RALGPS2: variants seen among roughly 807,000 people sequenced by gnomAD.
RALGPS2 encodes ras-specific guanine nucleotide-releasing factor RalGPS2.
A neutral mutation model predicts 86.8 loss-of-function variants in RALGPS2; 43 were observed. The observed-to-expected ratio is 0.50, with a 90% CI of 0.39 to 0.64. The LOEUF is 0.64. RALGPS2 is among the 30% of genes least tolerant of loss of function. RALGPS2 has a pLI of 0.00. For synonymous variants in RALGPS2, 243 were observed against 231.3 expected (o/e 1.05, Z -0.46); for missense variants, 536 against 694.6 (o/e 0.77, Z 2.57).
At chr1:178,792,157 G>A (rs1653985490) in intron 4 of RALGPS2, among the ~76,000 whole-genome samples, 1 of 152,124 alleles carries the variant, frequency 6.6e-6, no homozygotes, top group African/African-American at 2.4e-5. Flanking sequence ...TTTGTGTAAT[G>A]ATAGAGAAGA....
At chr1:178,855,890 G>A (rs116552031) in intron 8 of RALGPS2, among the ~76,000 whole-genome samples, 3,683 of 149,788 alleles carry the variant, frequency 0.025, 148 homozygotes, top group African/African-American at 0.085. Flanking sequence ...ATGATGATAG[G>A]GTTTTTCTTT....
chr1:178,753,076 A>G (rs1057238710), intron 1 of RALGPS2, among the ~76,000 whole-genome samples: 3 of 152,168 alleles, frequency 2.0e-5, no homozygotes, highest in African/African-American at 7.2e-5. Context: ...TCTGTACTGT[A>G]CTTGAACTAC....
intron 8 of RALGPS2, chr1:178,851,145 AT>A (rs1314661862): frequency 2.5e-6 from 4 of 1,613,298 alleles, no homozygotes; most frequent in Non-Finnish European, 3.4e-6. Flanking sequence ...AATAGGCTTG[AT>A]CATCATCTGA....
At chr1:178,728,508 T>G (rs534736474) in intron 1 of RALGPS2, among the ~76,000 whole-genome samples, 2 of 152,182 alleles carry the variant, frequency 1.3e-5, no homozygotes, top group Admixed American at 6.5e-5. Context: ...ATCCATTTTT[T>G]GAATATGAGA....
At chr1:178,863,206 A>G (rs1658152920) in intron 8 of RALGPS2, among the ~76,000 whole-genome samples, 1 of 152,192 alleles carries the variant, frequency 6.6e-6, no homozygotes, top group Non-Finnish European at 1.5e-5. Flanking sequence ...ACAAGAGACC[A>G]AAAAGGGGAC....
At chr1:178,802,105 A>T (rs1366517012) in intron 4 of RALGPS2, among the ~76,000 whole-genome samples, 1 of 152,068 alleles carries the variant, frequency 6.6e-6, no homozygotes, top group Non-Finnish European at 1.5e-5. Flanking sequence ...TTTGCAGGTA[A>T]AACTCAACTA....
At chr1:178,833,390 G>C in intron 7 of RALGPS2, 34 bp from the exon 8 acceptor site, 1 of 1,463,134 alleles carries the variant, frequency 6.8e-7, no homozygotes, top group Non-Finnish European at 9.0e-7. Context: ...AATGAGATTT[G>C]TAAATAACTT....
intron 8 of RALGPS2, 142 bp downstream of exon 8, chr1:178,833,692 T>C: frequency 7.5e-7 from 1 of 1,332,160 alleles, no homozygotes; most frequent in Middle Eastern, 2.7e-4. Context: ...AAAAAATGAC[T>C]AAAGATAGTT....
At chr1:178,835,113 C>G (rs1337224361) in intron 8 of RALGPS2, among the ~76,000 whole-genome samples, 1 of 152,074 alleles carries the variant, frequency 6.6e-6, no homozygotes, top group Non-Finnish European at 1.5e-5. Context: ...TTGGCTGTGC[C>G]CATACTTGCA....
chr1:178,734,356 C>T (rs927497514), intron 1 of RALGPS2, among the ~76,000 whole-genome samples: 1 of 152,144 alleles, frequency 6.6e-6, no homozygotes, highest in African/African-American at 2.4e-5. Context: ...TCTCCTAGAA[C>T]AGCAGATAGA....
chr1:178,889,939 A>G (rs1223358080), intron 14 of RALGPS2, among the ~76,000 whole-genome samples: 1 of 151,932 alleles, frequency 6.6e-6, no homozygotes, highest in Non-Finnish European at 1.5e-5. Flanking sequence ...ATACATTTAC[A>G]TTTATAACTT....
At chr1:178,872,631 A>G (rs979669584) in intron 8 of RALGPS2, among the ~76,000 whole-genome samples, 4 of 152,204 alleles carry the variant, frequency 2.6e-5, no homozygotes, top group African/African-American at 9.6e-5. Context: ...TCTGATTTGT[A>G]TTATGTATCG....
chr1:178,819,669 A>G (rs900000720), intron 6 of RALGPS2, among the ~76,000 whole-genome samples: 3 of 152,184 alleles, frequency 2.0e-5, no homozygotes, highest in Non-Finnish European at 2.9e-5. Context: ...CTAGCTTTAC[A>G]GTGAATTTTC....
intron 8 of RALGPS2, among the ~76,000 whole-genome samples, chr1:178,862,752 A>G (rs771044672): frequency 9.9e-5 from 15 of 152,186 alleles, no homozygotes; most frequent in Admixed American, 5.9e-4. Flanking sequence ...TTGTGAAGGA[A>G]ACTAGTGGAA....
chr1:178,763,828 CT>C (rs781318604), intron 1 of RALGPS2, among the ~76,000 whole-genome samples: 4 of 149,852 alleles, frequency 2.7e-5, no homozygotes, highest in Non-Finnish European at 4.4e-5. Flanking sequence ...GTATTGATTT[CT>C]ATTTTTACTA....
At chr1:178,844,974 G>A (rs924544129) in intron 8 of RALGPS2, among the ~76,000 whole-genome samples, 1 of 151,966 alleles carries the variant, frequency 6.6e-6, no homozygotes, top group Non-Finnish European at 1.5e-5. Context: ...GAGGTCAGGA[G>A]TTCGAGACCA....
chr1:178,786,885 A>G (rs1422043520), intron 4 of RALGPS2, among the ~76,000 whole-genome samples: 1 of 151,926 alleles, frequency 6.6e-6, no homozygotes, highest in African/African-American at 2.4e-5. Context: ...TGTGATTTTC[A>G]AGTAAGTTAC....
At chr1:178,899,633 TG>T (rs1236126516) in intron 17 of RALGPS2, among the ~76,000 whole-genome samples, 3 of 146,860 alleles carry the variant, frequency 2.0e-5, no homozygotes, top group African/African-American at 8.0e-5. Flanking sequence ...GTTTTGGTTT[TG>T]GTTTTGGTTT....
Position 178,780,119 on chromosome 1 carries a change from T to C in RALGPS2, c.57+3298T>C, listed in dbSNP as rs548452541. ...TAGCAAGACAGAAGTTACAATCTTA[T>C]ATAACGTAATCATGGAAGTGACATC... is the stretch of plus-strand genomic sequence containing the variant. On this transcript the variant is annotated intron_variant, in intron 2 of 19. Coordinates refer to ENST00000367635, the MANE Select transcript of RALGPS2 (RefSeq NM_152663.5). 2.3e-4 allele frequency among the ~76,000 whole-genome samples: 35 copies of C among 152,308 alleles called. No individual in the cohort carries two copies. In the East Asian group the frequency reaches 2.9e-3, roughly 13 times the overall value.
Sources: gnomAD v4.1 joint callset for allele counts (sites outside exome capture counted in the v4.1 genomes callset) on GRCh38, gnomAD v4.1.1 for gene constraint, MANE v1.5 for transcripts, NCBI Gene and HGNC (gene_info 2026-07-23, HGNC 2026-07-21) for gene names.